The following OR51I2 variants were observed in gnomAD, a reference collection of about 807,000 sequenced individuals.
OR51I2 encodes the protein olfactory receptor 51I2.
In OR51I2, 6 loss-of-function variants were observed where a neutral mutation model predicts 9.3. The ratio of observed to expected loss-of-function variants is 0.64; its 90% CI spans 0.35 to 1.27. The LOEUF (loss-of-function observed/expected upper bound fraction) is 1.27. OR51I2 is among the 50% of genes most tolerant of loss of function. OR51I2 has a pLI of 0.03. For missense variants in OR51I2, 489 were observed against 396.4 expected (o/e 1.23, Z -1.98); for synonymous variants, 179 against 143.1 (o/e 1.25, Z -1.79).
intron 1 of OR51I2, among the ~76,000 whole-genome samples, chr11:5,451,451 A>T (rs1850846753): frequency 1.3e-5 from 2 of 152,226 alleles, no homozygotes; most frequent in Admixed American, 1.3e-4. Flanking sequence ...GACAAACATC[A>T]GTTCTGGATC....
chr11:5,454,453 T>C lies in OR51I2; in HGVS notation c.*26T>C. ...CTTTCACACTTGGCTTTAGAATCTG[T>C]TATTTTGGCCATAGGCTCTCATCAG... is the stretch of plus-strand genomic sequence containing the variant. On this transcript the variant is annotated 3_prime_UTR_variant, in exon 2 of 2. Transcript: ENST00000641930. 6.4e-7 allele frequency: 1 copy of C among 1,567,000 alleles called. No homozygotes were observed. Among genetic ancestry groups the C allele is most frequent in the South Asian group, 1.2e-5 (1 of 86,530 alleles).
chr11:5,453,901 C>A lies in OR51I2; in HGVS notation c.413C>A (p.Thr138Asn). The A allele has an allele frequency of 3.1e-6, 5 of 1,614,232 alleles. No individual in the cohort carries two copies. The highest frequency in any genetic ancestry group is 4.2e-6 in the Non-Finnish European group (5 of 1,180,042). Residue 138 changes from threonine to asparagine, a missense_variant, in exon 2 of 2, where the codon ACT becomes AAT. Thr to Asn is a moderately conservative substitution (Grantham distance 65). Transcript: ENST00000641930. ...TTGCGCTATGCAACTGTGCTCACCACTGAAGTCATTGCTGCAATGGGTTTA... is the reference window on the plus strand; with the variant it reads ...TTGCGCTATGCAACTGTGCTCACCAATGAAGTCATTGCTGCAATGGGTTTA... ...DPLRYATVLT[T>N]EVIAAMGLGA...
Position 5,453,495 on chromosome 11 carries a change from T to C in OR51I2, c.7T>C (p.Leu3=), listed in dbSNP as rs371172345. Residue 3 remains leucine, a synonymous_variant, in exon 2 of 2, where the codon TTG becomes CTG. Coordinates refer to ENST00000641930, the MANE Select transcript of OR51I2 (RefSeq NM_001004754.3). ...ACCCTAAGTTTGTTTTGCTATGGGG[T>C]TGTTCAATGTCACTCACCCTGCATT... MG[L]FNVTHPAFFL... The C allele has an allele frequency of 3.2e-6, 5 of 1,541,158 alleles. No homozygotes were observed. Among genetic ancestry groups the C allele is most frequent in the South Asian group, 2.6e-5 (2 of 78,148 alleles).
Position 5,453,436 on chromosome 11 carries a change from A to C in OR51I2, c.-53A>C. 7.4e-7 allele frequency: 1 copy of C among 1,345,946 alleles called. No homozygotes were observed. Among genetic ancestry groups the C allele is most frequent in the Non-Finnish European group, 1.0e-6 (1 of 996,244 alleles). 83.4% of individuals were successfully genotyped at this position (1,345,946 alleles called of 1,614,324 possible). On this transcript the variant is annotated 5_prime_UTR_variant, in exon 2 of 2. Transcript: ENST00000641930. ...TCCTCCAGCAAGTGCAACTGTTAGAATTCTCCAAGTCAGAAGATCTGACTC... is the reference window on the plus strand; with the variant it reads ...TCCTCCAGCAAGTGCAACTGTTAGACTTCTCCAAGTCAGAAGATCTGACTC...
chr11:5,453,874 C>G lies in OR51I2; in HGVS notation c.386C>G (p.Pro129Arg), dbSNP rs1467016011. ...GACCGCTATGTGGCCATTTGTGACC[C>G]CTTGCGCTATGCAACTGTGCTCACC... ...SFDRYVAICD[P>R]LRYATVLTTE... Residue 129 changes from proline (P) to arginine (R), a missense_variant, in exon 2 of 2, where the codon CCC (proline) becomes CGC (arginine). Physicochemically the swap from Pro to Arg is moderately radical, Grantham distance 103. Coordinates refer to ENST00000641930, the MANE Select transcript of OR51I2 (RefSeq NM_001004754.3). 2 of 1,614,206 alleles carry G rather than the reference C, an allele frequency of 1.2e-6. No individual in the cohort carries two copies. Among genetic ancestry groups the G allele is most frequent in the Non-Finnish European group, 1.7e-6 (2 of 1,180,048 alleles).
rs1400637238 is a variant in OR51I2 at position 5,454,512 on chromosome 11, T to C, written c.*85T>C. ...TCATCATCATCATCAAAGTATAAGA[T>C]AGATTGTGTGCTGCGGGAAAAGTAG... On this transcript the variant is annotated 3_prime_UTR_variant, in exon 2 of 2. Coordinates refer to ENST00000641930, the MANE Select transcript of OR51I2 (RefSeq NM_001004754.3). 42 of 1,145,256 alleles carry C rather than the reference T, an allele frequency of 3.7e-5. No individual in the cohort carries two copies. Among genetic ancestry groups the C allele is most frequent in the Non-Finnish European group, 4.7e-5 (38 of 803,534 alleles). The allele number at this position is 1,145,256 out of a possible 1,614,324, so 70.9% of individuals were successfully genotyped here.
At position 5,452,851 on chromosome 11, in the gene OR51I2, C is replaced by T. The variant is rs967115625; in HGVS notation, c.-230-408C>T. On this transcript the variant is annotated intron_variant, in intron 1 of 1. Transcript: ENST00000641930. ...ACAGATACAGCCTTGTGCCTTTGCA[C>T]AAAAATATGTTATTTCTGTTGTTGC... Among the ~76,000 whole-genome samples, 7 of 152,286 alleles carry T rather than the reference C, an allele frequency of 4.6e-5. No homozygotes were observed. In the South Asian group the frequency reaches 8.3e-4, roughly 18 times the overall value.
Position 5,454,970 on chromosome 11 carries a change from A to G in OR51I2, c.*543A>G, listed in dbSNP as rs909045179. ...CAAATTGGCATCATTTAACATTACCATTGCTGCCTTTGCTTTCCCCACCAC... is the reference window on the plus strand; with the variant it reads ...CAAATTGGCATCATTTAACATTACCGTTGCTGCCTTTGCTTTCCCCACCAC... On this transcript the variant is annotated 3_prime_UTR_variant, in exon 2 of 2. Transcript: ENST00000641930. The G allele has an allele frequency of 4.6e-5, 7 of 152,552 alleles. No homozygotes were observed. The highest frequency in any genetic ancestry group is 1.7e-4 in the African/African-American group (7 of 41,466). The allele number at this position is 152,552 out of a possible 1,614,324, so 9.4% of individuals were successfully genotyped here.
rs1472612697 is a variant in OR51I2, at chr11:5,456,460, C to T, written c.*2033C>T. ...TAAGCCCTGTTTTTGTTTTTTTGAC[C>T]TTGGGTTAAAAACTCTTTAACTTCT... On this transcript the variant is annotated 3_prime_UTR_variant, in exon 2 of 2. Transcript: ENST00000641930. The T allele has an allele frequency of 6.6e-6, 1 of 151,912 alleles. No individual in the cohort carries two copies. The highest frequency in any genetic ancestry group is 1.5e-5 in the Non-Finnish European group (1 of 67,986). 9.4% of individuals were successfully genotyped at this position (151,912 alleles called of 1,614,324 possible). A position where few individuals can be genotyped will look rare whatever the true frequency, so the allele number is the denominator to read the frequency against.
intron 1 of OR51I2, among the ~76,000 whole-genome samples, chr11:5,450,617 T>C (rs1850830439): frequency 6.6e-6 from 1 of 152,150 alleles, no homozygotes; most frequent in African/African-American, 2.4e-5. Flanking sequence ...TGGAGACAGG[T>C]ACTTTTGTGT....
chr11:5,449,843 T>C (rs969426079), intron 1 of OR51I2, among the ~76,000 whole-genome samples: 1 of 152,142 alleles, frequency 6.6e-6, no homozygotes, highest in Non-Finnish European at 1.5e-5. Flanking sequence ...CTCCAGGATA[T>C]TAAAAGGAGA....
In OR51I2 at chr11:5,452,149, C is replaced by T. The variant is rs571734071; in HGVS notation, c.-230-1110C>T. Among the ~76,000 whole-genome samples, 11 of 152,180 alleles carry T rather than the reference C, an allele frequency of 7.2e-5. No homozygotes were observed. The South Asian group carries it at 2.3e-3, about 32-fold the overall frequency. ...TATGAGTGTGTATACATGTATAAAT[C>T]CTGCATATATGTCAGTGCAGACTGA... On this transcript the variant is annotated intron_variant, in intron 1 of 1. Coordinates refer to ENST00000641930, the MANE Select transcript of OR51I2 (RefSeq NM_001004754.3).
chr11:5,453,183 G>T, intron 1 of OR51I2, 76 bp from the exon 2 acceptor site: 1 of 220,118 alleles, frequency 4.5e-6, no homozygotes, highest in Non-Finnish European at 8.8e-6. Flanking sequence ...TTGTAGAAAT[G>T]TAGTTTAAAC....
chr11:5,452,106 T>C (rs1312551698), intron 1 of OR51I2, among the ~76,000 whole-genome samples: 2 of 152,178 alleles, frequency 1.3e-5, no homozygotes, highest in African/African-American at 4.8e-5. Flanking sequence ...GTTGTGTGAG[T>C]ATACAAATCT....
intron 1 of OR51I2, among the ~76,000 whole-genome samples, chr11:5,451,471 C>G (rs1850847232): frequency 6.6e-6 from 1 of 152,200 alleles, no homozygotes; most frequent in Non-Finnish European, 1.5e-5. Flanking sequence ...CCCAAGTAAT[C>G]AGAGTTCTTG....
Position 5,453,261 on chromosome 11 carries a change from G to A in OR51I2, c.-228G>A. The A allele has an allele frequency of 2.6e-6, 1 of 380,970 alleles. No homozygotes were observed. Among genetic ancestry groups the A allele is most frequent in the Non-Finnish European group, 4.7e-6 (1 of 214,720 alleles). The allele number at this position is 380,970 out of a possible 1,614,324, so 23.6% of individuals were successfully genotyped here. A position where few individuals can be genotyped will look rare whatever the true frequency, so the allele number is the denominator to read the frequency against. On this transcript the variant is annotated splice_region_variant and 5_prime_UTR_variant, in exon 2 of 2. Transcript: ENST00000641930. ...TGTCTTCCTTGTTCATAAAATAGAG[G>A]GAAATATTAGCTCAGCCTGCAGGCT...
chr11:5,454,501 A>G lies in OR51I2; in HGVS notation c.*74A>G. Reference sequence around the variant, plus strand: ...CAGTAGCATCGTCATCATCATCATCAAAGTATAAGATAGATTGTGTGCTGC... The same window carrying G: ...CAGTAGCATCGTCATCATCATCATCGAAGTATAAGATAGATTGTGTGCTGC... On this transcript the variant is annotated 3_prime_UTR_variant, in exon 2 of 2. Transcript: ENST00000641930. The G allele has an allele frequency of 8.3e-7, 1 of 1,205,824 alleles. No individual in the cohort carries two copies. The highest frequency in any genetic ancestry group is 1.2e-6 in the Non-Finnish European group (1 of 849,162). The allele number at this position is 1,205,824 out of a possible 1,614,324, so 74.7% of individuals were successfully genotyped here. A position where few individuals can be genotyped will look rare whatever the true frequency, so the allele number is the denominator to read the frequency against.
chr11:5,451,108 A>C (rs1480288215), intron 1 of OR51I2, among the ~76,000 whole-genome samples: 1 of 152,234 alleles, frequency 6.6e-6, no homozygotes, highest in African/African-American at 2.4e-5. Context: ...CTGACATATC[A>C]CATGCGTTCA....
At chr11:5,451,355 G>A (rs779889801) in intron 1 of OR51I2, among the ~76,000 whole-genome samples, 2 of 151,998 alleles carry the variant, frequency 1.3e-5, no homozygotes, top group African/African-American at 4.8e-5. Flanking sequence ...CTTTTACATT[G>A]GCTTGGTTCT....
Sources: allele counts gnomAD v4.1 joint callset (sites outside exome capture counted in the v4.1 genomes callset), GRCh38; gene constraint gnomAD v4.1.1; transcripts MANE v1.5; gene names NCBI Gene and HGNC (gene_info 2026-07-23, HGNC 2026-07-21).